SIPA1L3: variants seen among roughly 807,000 people sequenced by gnomAD.
SIPA1L3 encodes the protein signal induced proliferation associated 1 like 3, also known as signal-induced proliferation-associated 1-like protein 3.
Under a neutral mutation model 150.1 loss-of-function variants are expected in SIPA1L3, and 59 were observed. The observed-to-expected ratio is 0.39, with a 90% CI of 0.32 to 0.49. The LOEUF is 0.49. Ranked by LOEUF, SIPA1L3 falls within the 20% of genes least tolerant of loss-of-function variation. The pLI, the probability that SIPA1L3 is intolerant of heterozygous loss-of-function variation, is 0.86. For missense variants in SIPA1L3, 2,211 were observed against 2,489.5 expected, an observed-to-expected ratio of 0.89 and a Z score of 2.38; for synonymous variants, 1,070 against 1,077.6, an observed-to-expected ratio of 0.99 and a Z score of 0.14.
At chr19:37,938,129 A>AT (rs2046618678) in intron 1 of SIPA1L3, among the ~76,000 whole-genome samples, 1 of 152,174 alleles carries the variant, frequency 6.6e-6, no homozygotes, top group Non-Finnish European at 1.5e-5. Flanking sequence ...TCTAACATTG[A>AT]TTTAGACTGG....
chr19:38,164,588 A>G lies in SIPA1L3; in HGVS notation c.3890A>G (p.Glu1297Gly). The change falls in exon 15 of 22, where the codon GAG (glutamate) becomes GGG (glycine). Residue 1297 changes from glutamate (E) to glycine (G), a missense_variant. By Grantham distance (98) the Glu-to-Gly change is moderately conservative (BLOSUM62 -2). Coordinates refer to ENST00000222345, the MANE Select transcript of SIPA1L3 (RefSeq NM_015073.3). This position sits in a 1 kb window ranked among gnomAD's most constrained non-coding sequence, Gnocchi z 4.1. ...WFDPLDPLEP[E>G]QDPLSKGGSS... ...GACCCCCTGGACCCCCTGGAGCCAGAGCAAGACCCCCTCTCCAAGGGTGGC... is the reference window on the plus strand; with the variant it reads ...GACCCCCTGGACCCCCTGGAGCCAGGGCAAGACCCCCTCTCCAAGGGTGGC... 1.2e-6 allele frequency: 2 copies of G among 1,614,074 alleles called. No homozygotes were observed. The highest frequency in any genetic ancestry group is 1.7e-6 in the Non-Finnish European group (2 of 1,180,000).
chr19:37,934,044 T>A (rs2046578665), intron 1 of SIPA1L3, among the ~76,000 whole-genome samples: 1 of 152,324 alleles, frequency 6.6e-6, no homozygotes, highest in South Asian at 2.1e-4. Context: ...GTAATAATTC[T>A]TGCTCTGGGG....
intron 2 of SIPA1L3, among the ~76,000 whole-genome samples, chr19:38,034,432 G>T (rs937261230): frequency 6.6e-6 from 1 of 151,036 alleles, no homozygotes; most frequent in Non-Finnish European, 1.5e-5. Flanking sequence ...TGCCTGCCAG[G>T]TAGAGGAGCT....
At position 37,966,247 on chromosome 19, in the gene SIPA1L3, C is replaced by G. The variant is rs552983501; in HGVS notation, c.-379+58889C>G. Among the ~76,000 whole-genome samples the G allele has an allele frequency of 2.0e-5, 3 of 152,344 alleles. No homozygotes were observed. In the South Asian group the frequency reaches 6.2e-4, roughly 32 times the overall value. On this transcript the variant is annotated intron_variant, in intron 1 of 21. Coordinates refer to ENST00000222345, the MANE Select transcript of SIPA1L3 (RefSeq NM_015073.3). ...GAGGAGGAATCGGCACTGCAGGGAG[C>G]TGGCAGGTTCCGTCCTTCCCAGCTT...
chr19:38,063,248 T>C (rs1358584178), intron 2 of SIPA1L3, among the ~76,000 whole-genome samples: 1 of 151,858 alleles, frequency 6.6e-6, no homozygotes, highest in African/African-American at 2.4e-5. Flanking sequence ...GCTGTGTGTG[T>C]CCAGCACCTG....
Position 38,106,630 on chromosome 19 carries a change from A to C in SIPA1L3, c.2123A>C (p.Asn708Thr). The change falls in exon 7 of 22, where the codon AAC (asparagine) becomes ACC (threonine). Residue 708 changes from asparagine (N) to threonine (T), a missense_variant. Coordinates refer to ENST00000222345, the MANE Select transcript of SIPA1L3 (RefSeq NM_015073.3). ...VSTLLPYTPN[N>T]RQQLLRKRHI... The stretch of plus-strand genomic sequence containing the variant: ...ACCCTGCTCCCTTACACCCCCAACA[A>C]CAGGCAGCAGGTCAGTGATTTTCAG... 2.5e-6 allele frequency: 4 copies of C among 1,608,514 alleles called. No homozygotes were observed. Among genetic ancestry groups the C allele is most frequent in the Non-Finnish European group, 3.4e-6 (4 of 1,175,082 alleles).
intron 13 of SIPA1L3, among the ~76,000 whole-genome samples, chr19:38,157,929 A>T (rs1169943198): frequency 6.6e-6 from 1 of 152,144 alleles, no homozygotes; most frequent in Non-Finnish European, 1.5e-5. Context: ...TAAAACATTA[A>T]CAGTAATGCC....
At chr19:38,120,299 A>C (rs891520165) in intron 9 of SIPA1L3, among the ~76,000 whole-genome samples, 1 of 24,462 alleles carries the variant, frequency 4.1e-5, no homozygotes, top group African/African-American at 2.1e-4. Flanking sequence ...CTCTGCCTAC[A>C]AAAAAAAAAA....
intron 10 of SIPA1L3, among the ~76,000 whole-genome samples, chr19:38,132,584 CA>C (rs375027167): frequency 0.012 from 1,322 of 108,492 alleles, 12 homozygotes; most frequent in South Asian, 0.036. Flanking sequence ...AGCTACGTCT[CA>C]AAAAAAAAAA....
At chr19:38,197,201 G>A (rs1322067093) in intron 18 of SIPA1L3, among the ~76,000 whole-genome samples, 1 of 152,118 alleles carries the variant, frequency 6.6e-6, no homozygotes, top group Non-Finnish European at 1.5e-5. Context: ...TGCCGGGAAT[G>A]CAGAGCGGGC....
chr19:38,119,909 C>T (rs985281054), intron 9 of SIPA1L3, 27 bp downstream of exon 9: 12 of 1,534,852 alleles, frequency 7.8e-6, no homozygotes, highest in East Asian at 2.3e-5. Context: ...GGCGATAGGG[C>T]GGCGATTTGT....
chr19:38,179,287 CA>C (rs1254420090), intron 15 of SIPA1L3, among the ~76,000 whole-genome samples: 1 of 152,126 alleles, frequency 6.6e-6, no homozygotes, highest in African/African-American at 2.4e-5. Flanking sequence ...ACTAAAAATA[CA>C]AAAATTAGCT....
chr19:38,094,085 T>C (rs1350781934), intron 4 of SIPA1L3, among the ~76,000 whole-genome samples: 2 of 152,248 alleles, frequency 1.3e-5, no homozygotes, highest in Non-Finnish European at 2.9e-5. Flanking sequence ...TTTATTTTAT[T>C]GGTTTTTCTT....
intron 12 of SIPA1L3, 28 bp from the exon 13 acceptor site, chr19:38,152,812 C>G (rs1971856664): frequency 6.3e-7 from 1 of 1,594,482 alleles, no homozygotes; most frequent in African/African-American, 1.3e-5. Context: ...ATCTTTAACC[C>G]TGGGCACGTT....
In SIPA1L3 at chr19:38,082,405, G is replaced by A; in HGVS notation, c.840G>A (p.Lys280=). Residue 280 remains lysine, a synonymous_variant, in exon 3 of 22, where the codon AAG becomes AAA. Coordinates refer to ENST00000222345, the MANE Select transcript of SIPA1L3 (RefSeq NM_015073.3). ...TGCCACTGCAGCCCACGAAGGAGAAGGAGAAGGCCCGGAAGAAACCTGCGC... is the reference window on the plus strand; with the variant it reads ...TGCCACTGCAGCCCACGAAGGAGAAAGAGAAGGCCCGGAAGAAACCTGCGC... ...SLLPLQPTKE[K]EKARKKPARG... is the part of the protein sequence containing the mutation. The A allele has an allele frequency of 6.3e-7, 1 of 1,598,712 alleles. No individual in the cohort carries two copies.
At position 37,907,308 on chromosome 19, in the gene SIPA1L3, G is replaced by C. The variant is rs2145455540; in HGVS notation, c.-429G>C. On this transcript the variant is annotated 5_prime_UTR_variant, in exon 1 of 22. Coordinates refer to ENST00000222345, the MANE Select transcript of SIPA1L3 (RefSeq NM_015073.3). ...CGGCGTCTCCAGCGAGCGGCGCGGA[G>C]CTGGACGCCGCGATCGTGGGGCCCG... 1 of 152,538 alleles carries C rather than the reference G, an allele frequency of 6.6e-6. No homozygotes were observed. The highest frequency in any genetic ancestry group is 1.5e-5 in the Non-Finnish European group (1 of 68,116). The allele number at this position is 152,538 out of a possible 1,614,324, so 9.4% of individuals were successfully genotyped here. A position where few individuals can be genotyped will look rare whatever the true frequency, so the allele number is the denominator to read the frequency against.
intron 1 of SIPA1L3, among the ~76,000 whole-genome samples, chr19:37,930,853 C>T (rs929526615): frequency 2.0e-5 from 3 of 151,366 alleles, no homozygotes; most frequent in East Asian, 1.9e-4. Flanking sequence ...CAACAGCACC[C>T]GACCCAAAGC....
At chr19:37,956,485 TTG>T (rs1395442617) in intron 1 of SIPA1L3, among the ~76,000 whole-genome samples, 1 of 132,926 alleles carries the variant, frequency 7.5e-6, no homozygotes, top group African/African-American at 2.7e-5. Context: ...TATAAAAGTT[TTG>T]TTTTTTTTTT....
chr19:38,067,688 G>A (rs1428247192), intron 2 of SIPA1L3, among the ~76,000 whole-genome samples: 2 of 151,884 alleles, frequency 1.3e-5, no homozygotes, highest in Non-Finnish European at 2.9e-5. Context: ...CTTGAACCCC[G>A]GAGGTGGAGG....
Sources: gnomAD v4.1 joint callset for allele counts (sites outside exome capture counted in the v4.1 genomes callset) on GRCh38, gnomAD v4.1.1 for gene constraint, Gnocchi (gnomAD v3.1) non-coding constraint, MANE v1.5 for transcripts, NCBI Gene and HGNC (gene_info 2026-07-23, HGNC 2026-07-21) for gene names.